TBC1D31: variants seen among roughly 807,000 people sequenced by gnomAD.
TBC1D31 encodes TBC1 domain family member 31, also known as WD repeat domain 67.
In TBC1D31, 99 loss-of-function variants were observed where a neutral mutation model predicts 132.9. That is an observed-to-expected ratio of 0.74 (90% CI 0.63 to 0.88). TBC1D31 has a LOEUF of 0.88. TBC1D31 is among the 40% of genes least tolerant of loss of function. TBC1D31 has a pLI of 0.00. For synonymous variants in TBC1D31, 385 were observed against 419.4 expected (o/e 0.92, Z 1.00); for missense variants, 1,134 against 1,256.6 (o/e 0.90, Z 1.48).
chr8:123,118,632 G>A (rs993599999), intron 10 of TBC1D31, among the ~76,000 whole-genome samples: 1 of 151,410 alleles, frequency 6.6e-6, no homozygotes, highest in East Asian at 1.9e-4. Context: ...TGTATGAAGC[G>A]CTTATATAAA....
At chr8:123,162,300 G>T in the TBC1D31 span, among the ~76,000 whole-genome samples, 6 of 152,146 alleles carry the variant, frequency 3.9e-5, no homozygotes, top group Non-Finnish European at 8.8e-5. Context: ...AGTGGAAAGT[G>T]TATCTGTGTG....
intron 1 of TBC1D31, among the ~76,000 whole-genome samples, chr8:123,075,272 T>G (rs530103110): frequency 6.6e-6 from 1 of 152,352 alleles, no homozygotes; most frequent in African/African-American, 2.4e-5. Context: ...ATAAGCATTG[T>G]TAAGAATTTT....
chr8:123,101,845 C>G (rs1483317357), intron 7 of TBC1D31, among the ~76,000 whole-genome samples: 1 of 152,212 alleles, frequency 6.6e-6, no homozygotes, highest in Non-Finnish European at 1.5e-5. Flanking sequence ...ACTCAGAGCC[C>G]TCAGTGCTTG....
intron 4 of TBC1D31, among the ~76,000 whole-genome samples, chr8:123,088,471 G>A (rs1018136666): frequency 7.2e-5 from 11 of 152,068 alleles, no homozygotes; most frequent in African/African-American, 2.2e-4. Context: ...AAAGACTAGA[G>A]ATGGGCCAGG....
At position 123,082,765 on chromosome 8, in the gene TBC1D31, AT is replaced by A. The variant is rs752361165; in HGVS notation, c.289del (p.Ser97LeufsTer7). The A allele has an allele frequency of 7.4e-6, 12 of 1,613,456 alleles. No individual in the cohort carries two copies. The highest frequency in any genetic ancestry group is 6.8e-6 in the Non-Finnish European group (8 of 1,179,982). ...CTCTGGCCTTTAATCTTCGTAGGAA[AT>A]CTGAATTCCTTGTGGCATTAGCTGA... ...TALAFNLRRK[S>X]EFLVALADYS... On this transcript the variant is annotated frameshift_variant, in exon 3 of 22. Transcript: ENST00000287380. LOFTEE classifies it high-confidence loss of function.
chr8:123,095,667 A>G (rs1401246628), intron 5 of TBC1D31, among the ~76,000 whole-genome samples: 1 of 152,180 alleles, frequency 6.6e-6, no homozygotes, highest in East Asian at 1.9e-4. Context: ...TGACTTTGGC[A>G]TCCTTTTACT....
intron 4 of TBC1D31, among the ~76,000 whole-genome samples, chr8:123,087,434 A>G (rs1013932994): frequency 6.6e-6 from 1 of 152,240 alleles, no homozygotes; most frequent in Non-Finnish European, 1.5e-5. Flanking sequence ...TGGAAATCCC[A>G]GAGTTCTTTA....
At chr8:123,114,876 C>T (rs781086628) in intron 10 of TBC1D31, among the ~76,000 whole-genome samples, 9 of 152,016 alleles carry the variant, frequency 5.9e-5, no homozygotes, top group Non-Finnish European at 1.2e-4. Context: ...ACTATTTTGC[C>T]GCTTATCTTC....
At chr8:123,084,427 A>G in intron 4 of TBC1D31, 87 bp downstream of exon 4, 1 of 1,301,386 alleles carries the variant, frequency 7.7e-7, no homozygotes, top group Non-Finnish European at 1.1e-6. Flanking sequence ...AAGAGTAATG[A>G]TTCACTTTGT....
At chr8:123,121,710 A>G (rs77420109) in intron 11 of TBC1D31, among the ~76,000 whole-genome samples, 2,110 of 152,300 alleles carry the variant, frequency 0.014, 43 homozygotes, top group African/African-American at 0.048. Context: ...AGAGCCATGA[A>G]TCAATTCAAC....
At chr8:123,154,346 C>G (rs144250295), downstream of TBC1D31, among the ~76,000 whole-genome samples, 872 of 152,280 alleles carry the variant, frequency 5.7e-3, 3 homozygotes, top group African/African-American at 0.02. Flanking sequence ...GAGGAGAGTA[C>G]TCAAGGAAGG....
intron 10 of TBC1D31, among the ~76,000 whole-genome samples, chr8:123,109,882 T>C (rs1291329122): frequency 6.6e-6 from 1 of 152,164 alleles, no homozygotes; most frequent in Non-Finnish European, 1.5e-5. Flanking sequence ...TCAGCTGAGG[T>C]CAGGAATTGG....
At chr8:123,139,904 G>A (rs574940944) in intron 17 of TBC1D31, among the ~76,000 whole-genome samples, 5 of 152,322 alleles carry the variant, frequency 3.3e-5, no homozygotes, top group African/African-American at 1.2e-4. Context: ...CACTAGGTGA[G>A]CTCTGAGTGA....
chr8:123,100,562 G>A (rs564257857), intron 6 of TBC1D31, among the ~76,000 whole-genome samples: 2 of 151,360 alleles, frequency 1.3e-5, no homozygotes, highest in African/African-American at 4.8e-5. Context: ...GGCAACAAGA[G>A]TAAAATTCCA....
rs200398961 is a variant in TBC1D31, at chr8:123,148,532, G to GT, written c.2975-1502dup. Among the ~76,000 whole-genome samples the GT allele has an allele frequency of 9.8e-3, 1,481 of 151,746 alleles. 18 individuals carry two copies. The highest frequency in any genetic ancestry group is 0.035 in the African/African-American group (1,438 of 41,386). ...GCGGGAGGATGGCTTGAGCCCAGGA[G>GT]TTCAAGACCAGCCTGGGCAACATAG... is the stretch of plus-strand genomic sequence containing the variant. On this transcript the variant is annotated intron_variant, in intron 20 of 21. Transcript: ENST00000287380.
At chr8:123,153,383 G>A (rs774714670), downstream of TBC1D31, among the ~76,000 whole-genome samples, 4 of 152,044 alleles carry the variant, frequency 2.6e-5, no homozygotes, top group Admixed American at 6.6e-5. Flanking sequence ...CGCCACATAC[G>A]CATACAAAAC....
intron 2 of TBC1D31, among the ~76,000 whole-genome samples, chr8:123,082,078 A>G (rs1815220638): frequency 6.6e-6 from 1 of 152,206 alleles, no homozygotes. Context: ...TGAGTTTCAC[A>G]AGGGCCTTAA....
chr8:123,077,373 A>G, intron 2 of TBC1D31, 116 bp downstream of exon 2: 1 of 1,079,318 alleles, frequency 9.3e-7, no homozygotes, highest in East Asian at 2.7e-5. Context: ...ATTATATTTC[A>G]GGTACCTTGC....
intron 10 of TBC1D31, among the ~76,000 whole-genome samples, chr8:123,117,416 T>G (rs1409541473): frequency 6.6e-6 from 1 of 151,980 alleles, no homozygotes. Context: ...AATTTTGTAG[T>G]AGATAAACTC....
Sources: gnomAD v4.1 joint callset for allele counts (sites outside exome capture counted in the v4.1 genomes callset) on GRCh38, gnomAD v4.1.1 for gene constraint, MANE v1.5 for transcripts, NCBI Gene and HGNC (gene_info 2026-07-23, HGNC 2026-07-21) for gene names.